Variants in MPIG6B observed in about 807,000 individuals in gnomAD.
The protein encoded by MPIG6B is immunoglobulin receptor.
Under a neutral mutation model 24.2 loss-of-function variants are expected in MPIG6B, and 22 were observed. That is an observed-to-expected ratio of 0.91 (90% CI 0.65 to 1.30). MPIG6B has a LOEUF of 1.30. Among genes scored for constraint, MPIG6B ranks in the 50% most tolerant of loss-of-function variants. The pLI, the probability that MPIG6B is intolerant of heterozygous loss-of-function variation, is 0.00. For synonymous variants in MPIG6B, 136 were observed against 142.0 expected (o/e 0.96, Z 0.30); for missense variants, 301 against 318.5 (o/e 0.94, Z 0.42).
rs765256210 is a variant in MPIG6B at position 31,723,682 on chromosome 6, CGGA to C, written c.110_112del (p.Gly37del). On this transcript the variant is annotated inframe_deletion, in exon 2 of 6. Coordinates refer to ENST00000649779, the MANE Select transcript of MPIG6B (RefSeq NM_138272.3). This position sits in a 1 kb window ranked among gnomAD's most constrained non-coding sequence, Gnocchi z 4.3. ...CTGGGGACCGGGTGAATCTCTCCTG[CGGA>C]GGAGTCTCTCATCCCATCCGCTGGG... is the stretch of plus-strand genomic sequence containing the variant. 1 of 1,601,554 alleles carries C rather than the reference CGGA, an allele frequency of 6.2e-7. No homozygotes were observed. Among genetic ancestry groups the C allele is most frequent in the Non-Finnish European group, 8.5e-7 (1 of 1,174,620 alleles).
In MPIG6B at chr6:31,724,413, G is replaced by C. The variant is rs1807150655; in HGVS notation, c.501-174G>C. The C allele has an allele frequency of 5.3e-6, 4 of 755,020 alleles. No homozygotes were observed. In the East Asian group the frequency reaches 1.1e-4, roughly 20 times the overall value. 46.8% of individuals were successfully genotyped at this position (755,020 alleles called of 1,614,324 possible). On this transcript the variant is annotated intron_variant, in intron 3 of 5. Transcript: ENST00000649779. ...TGGTGAGTAGAGCCCCACCAGAGCA[G>C]ATGAGCTGGAAGTGCAGCAGAGTTA...
chr6:31,721,977 C>A (rs1806821572), upstream of MPIG6B: 2 of 424,044 alleles, frequency 4.7e-6, no homozygotes, highest in African/African-American at 4.0e-5. Flanking sequence ...CCAAGATGCC[C>A]TTCCTGGTCC....
chr6:31,723,508 A>G lies in MPIG6B; in HGVS notation c.61+64A>G. 2 of 1,504,668 alleles carry G rather than the reference A, an allele frequency of 1.3e-6. No individual in the cohort carries two copies. The highest frequency in any genetic ancestry group is 1.8e-6 in the Non-Finnish European group (2 of 1,085,476). The allele number at this position is 1,504,668 out of a possible 1,614,324, so 93.2% of individuals were successfully genotyped here. A position where few individuals can be genotyped will look rare whatever the true frequency, so the allele number is the denominator to read the frequency against. On this transcript the variant is annotated intron_variant, in intron 1 of 5. Transcript: ENST00000649779. This position sits in a 1 kb window ranked among gnomAD's most constrained non-coding sequence, Gnocchi z 4.3. ...GGCTGAAGCAAGATAAGGGCCGCCT[A>G]GTAGGGTGGGTTGTGTGTGGGAAGA... is the stretch of plus-strand genomic sequence containing the variant.
upstream of MPIG6B, among the ~76,000 whole-genome samples, chr6:31,720,635 T>C (rs1806727454): frequency 6.6e-6 from 1 of 152,154 alleles, no homozygotes; most frequent in African/African-American, 2.4e-5. This position sits in a 1 kb window ranked among gnomAD's most constrained non-coding sequence, Gnocchi z 4.9. Context: ...AGAAATGCCT[T>C]GGAACTTGAG....
At chr6:31,722,324 C>T (rs1806849316), upstream of MPIG6B, among the ~76,000 whole-genome samples, 1 of 152,212 alleles carries the variant, frequency 6.6e-6, no homozygotes. Flanking sequence ...AGAGCCACCA[C>T]AGGTCTGCTA....
In MPIG6B at chr6:31,723,678, C is replaced by T; in HGVS notation, c.101C>T (p.Ser34Phe). 1.3e-6 allele frequency: 2 copies of T among 1,599,872 alleles called. No homozygotes were observed. The highest frequency in any genetic ancestry group is 1.7e-6 in the Non-Finnish European group (2 of 1,173,838). ...DGRPGDRVNL[S>F]CGGVSHPIRW... The stretch of plus-strand genomic sequence containing the variant: ...CGCCCTGGGGACCGGGTGAATCTCT[C>T]CTGCGGAGGAGTCTCTCATCCCATC... Residue 34 changes from serine to phenylalanine, a missense_variant, in exon 2 of 6, where the codon TCC (serine) becomes TTC (phenylalanine). Physicochemically the swap from Ser to Phe is radical, Grantham distance 155 (BLOSUM62 -2). Transcript: ENST00000649779. The surrounding 1 kb of genome is among the most constrained non-coding windows in gnomAD (Gnocchi z 4.3).
intron 3 of MPIG6B, 52 bp downstream of exon 3, chr6:31,724,284 G>A: frequency 7.0e-7 from 1 of 1,423,778 alleles, no homozygotes; most frequent in Non-Finnish European, 9.8e-7. Flanking sequence ...AGAGGTGGAA[G>A]GGGCAGGACC....
upstream of MPIG6B, among the ~76,000 whole-genome samples, chr6:31,720,396 T>A (rs1171975586): frequency 6.6e-6 from 1 of 152,022 alleles, no homozygotes; most frequent in Non-Finnish European, 1.5e-5. The surrounding 1 kb of genome is among the most constrained non-coding windows in gnomAD (Gnocchi z 4.9). Flanking sequence ...CAGGTAAGGG[T>A]AGAGCTGTTG....
At chr6:31,722,163 T>C (rs1806835963), upstream of MPIG6B, among the ~76,000 whole-genome samples, 1 of 152,170 alleles carries the variant, frequency 6.6e-6, no homozygotes, top group South Asian at 2.1e-4. Flanking sequence ...GATAGGGGCA[T>C]GCTGGTGGAA....
upstream of MPIG6B, chr6:31,723,220 G>A: frequency 1.5e-6 from 1 of 667,144 alleles, no homozygotes; most frequent in East Asian, 2.7e-5. The surrounding 1 kb of genome is among the most constrained non-coding windows in gnomAD (Gnocchi z 4.3). Context: ...GAGTTTGCCT[G>A]CGAGGATTCC....
At chr6:31,724,910 G>A in intron 5 of MPIG6B, 60 bp from the exon 6 acceptor site, 5 of 1,588,126 alleles carry the variant, frequency 3.1e-6, no homozygotes, top group Non-Finnish European at 4.3e-6. Context: ...AAAAAAAAAA[G>A]GCCTGAACCC....
Position 31,725,105 on chromosome 6 carries a change from T to G in MPIG6B, c.*31T>G. 1 of 1,521,170 alleles carries G rather than the reference T, an allele frequency of 6.6e-7. No individual in the cohort carries two copies. Among genetic ancestry groups the G allele is most frequent in the Non-Finnish European group, 9.1e-7 (1 of 1,097,446 alleles). The allele number at this position is 1,521,170 out of a possible 1,614,324, so 94.2% of individuals were successfully genotyped here. On this transcript the variant is annotated 3_prime_UTR_variant, in exon 6 of 6. Transcript: ENST00000649779. This position sits in a 1 kb window ranked among gnomAD's most constrained non-coding sequence, Gnocchi z 5.2. Reference sequence around the variant, plus strand: ...AGCCCTTACTCCAAACCTCCCAAGCTAGGGGATCCCAGCTCCCCATAATCC... The same window carrying G: ...AGCCCTTACTCCAAACCTCCCAAGCGAGGGGATCCCAGCTCCCCATAATCC...
At chr6:31,723,344 C>T (rs1806957977), upstream of MPIG6B, 3 of 1,592,660 alleles carry the variant, frequency 1.9e-6, no homozygotes, top group African/African-American at 1.3e-5. This position sits in a 1 kb window ranked among gnomAD's most constrained non-coding sequence, Gnocchi z 4.3. Flanking sequence ...GGCCCCACGC[C>T]GCTGATTCGC....
chr6:31,723,742 C>T lies in MPIG6B; in HGVS notation c.165C>T (p.Gly55=). 3 of 1,613,648 alleles carry T rather than the reference C, an allele frequency of 1.9e-6. No individual in the cohort carries two copies. The highest frequency in any genetic ancestry group is 2.5e-6 in the Non-Finnish European group (3 of 1,180,012). ...VWAPSFPACK[G]LSKGRRPILW... is the part of the protein sequence containing the mutation. Reference sequence around the variant, plus strand: ...CACCCAGCTTCCCGGCCTGCAAGGGCCTGTCCAAAGGACGCCGACCGATCC... The same window carrying T: ...CACCCAGCTTCCCGGCCTGCAAGGGTCTGTCCAAAGGACGCCGACCGATCC... The change falls in exon 2 of 6, where the codon GGC becomes GGT. Residue 55 remains glycine, a synonymous_variant. Transcript: ENST00000649779. This position sits in a 1 kb window ranked among gnomAD's most constrained non-coding sequence, Gnocchi z 4.3.
Position 31,724,854 on chromosome 6 carries a change from T to C in MPIG6B, c.621+10T>C. On this transcript the variant is annotated intron_variant, in intron 5 of 5. Transcript: ENST00000649779. ...CCTGGACCAGGAACCGGTAAGGGCA[T>C]GGGGATGGGAAGGGGATAGCCAGAA... 1.2e-6 allele frequency: 2 copies of C among 1,612,154 alleles called. No individual in the cohort carries two copies. Among genetic ancestry groups the C allele is most frequent in the Non-Finnish European group, 1.7e-6 (2 of 1,179,486 alleles).
upstream of MPIG6B, among the ~76,000 whole-genome samples, chr6:31,722,521 A>G (rs1806868040): frequency 6.6e-6 from 1 of 152,192 alleles, no homozygotes; most frequent in African/African-American, 2.4e-5. Context: ...GCCAGGAGGA[A>G]CAGCATGGGC....
Position 31,723,715 on chromosome 6 carries a change from G to C in MPIG6B, c.138G>C (p.Trp46Cys). ...TCTCTCATCCCATCCGCTGGGTCTG[G>C]GCACCCAGCTTCCCGGCCTGCAAGG... ...GGVSHPIRWV[W>C]APSFPACKGL... Residue 46 changes from tryptophan (W) to cysteine (C), a missense_variant, in exon 2 of 6, where the codon TGG (tryptophan) becomes TGC (cysteine). Coordinates refer to ENST00000649779, the MANE Select transcript of MPIG6B (RefSeq NM_138272.3). This position sits in a 1 kb window ranked among gnomAD's most constrained non-coding sequence, Gnocchi z 4.3. 1.9e-6 allele frequency: 3 copies of C among 1,612,540 alleles called. No homozygotes were observed. The highest frequency in any genetic ancestry group is 2.5e-6 in the Non-Finnish European group (3 of 1,179,762).
At chr6:31,723,115 TG>T (rs1806929922), upstream of MPIG6B, 1 of 545,454 alleles carries the variant, frequency 1.8e-6, no homozygotes, top group Admixed American at 3.2e-5. This position sits in a 1 kb window ranked among gnomAD's most constrained non-coding sequence, Gnocchi z 4.3. Flanking sequence ...CCTAAGTAGC[TG>T]GGATTACAGG....
At position 31,723,636 on chromosome 6, in the gene MPIG6B, T is replaced by C; in HGVS notation, c.62-3T>C. 1 of 1,560,142 alleles carries C rather than the reference T, an allele frequency of 6.4e-7. No homozygotes were observed. Among genetic ancestry groups the C allele is most frequent in the Non-Finnish European group, 8.7e-7 (1 of 1,155,148 alleles). On this transcript the variant is annotated splice_polypyrimidine_tract_variant and splice_region_variant and intron_variant, in intron 1 of 5. Transcript: ENST00000649779. The surrounding 1 kb of genome is among the most constrained non-coding windows in gnomAD (Gnocchi z 4.3). ...CCTAACCACAGCCTCCGGCCTCTCC[T>C]AGCTTCTCTGGACGGCCGCCCTGGG...
Sources: allele counts gnomAD v4.1 joint callset (sites outside exome capture counted in the v4.1 genomes callset), GRCh38; gene constraint gnomAD v4.1.1; non-coding constraint Gnocchi (gnomAD v3.1); transcripts MANE v1.5; gene names NCBI Gene and HGNC (gene_info 2026-07-23, HGNC 2026-07-21).